GLI3: variants seen among roughly 807,000 people sequenced by gnomAD.
GLI3 encodes the protein GLI family zinc finger 3, also known as transcription activator GLI3.
GLI3 carries 20 observed loss-of-function variants against 100.8 expected under a neutral mutation model. The ratio of observed to expected loss-of-function variants is 0.20; its 90% CI spans 0.14 to 0.29. The LOEUF (loss-of-function observed/expected upper bound fraction) is 0.29, where lower values mean the gene tolerates loss of function less well. GLI3 is among the 10% of genes least tolerant of loss of function. The probability of loss-of-function intolerance (pLI) is 1.00; values close to 1 mark genes in which losing one functional copy is unlikely to be tolerated. For missense variants in GLI3, 2,040 were observed against 2,128.5 expected (o/e 0.96, Z 0.82); for synonymous variants, 938 against 860.5 (o/e 1.09, Z -1.58).
At chr7:42,213,551 G>A (rs1017994817) in intron 2 of GLI3, among the ~76,000 whole-genome samples, 1 of 152,154 alleles carries the variant, frequency 6.6e-6, no homozygotes, top group South Asian at 2.1e-4. Flanking sequence ...TGTTATGAAA[G>A]ATGATCCTAG....
chr7:42,150,617 CA>C (rs1216877948), intron 2 of GLI3, among the ~76,000 whole-genome samples: 3 of 152,178 alleles, frequency 2.0e-5, no homozygotes, highest in African/African-American at 7.2e-5. Flanking sequence ...AACCCTTCCT[CA>C]GGGGGGCTCT....
intron 2 of GLI3, among the ~76,000 whole-genome samples, chr7:42,182,653 T>C (rs1165218034): frequency 8.9e-5 from 5 of 56,350 alleles, no homozygotes; most frequent in Admixed American, 1.8e-4. Context: ...TGTATATATA[T>C]ATATATATAT....
intron 3 of GLI3, among the ~76,000 whole-genome samples, chr7:42,093,187 C>T (rs1415215136): frequency 2.0e-5 from 3 of 151,928 alleles, no homozygotes; most frequent in Non-Finnish European, 2.9e-5. Flanking sequence ...CGAGACCAGC[C>T]TGTCCAACAT....
intron 3 of GLI3, among the ~76,000 whole-genome samples, chr7:42,079,524 A>AT (rs2128752686): frequency 6.6e-6 from 1 of 152,336 alleles, no homozygotes; most frequent in African/African-American, 2.4e-5. Context: ...GCAAACACGC[A>AT]TGCCCCCTGC....
intron 7 of GLI3, among the ~76,000 whole-genome samples, chr7:42,039,691 G>C (rs1784090576): frequency 6.6e-6 from 1 of 152,112 alleles, no homozygotes; most frequent in African/African-American, 2.4e-5. Flanking sequence ...CATACAACCA[G>C]GTATGAAGTC....
chr7:41,962,845 G>GC lies in GLI3; in HGVS notation c.*1484dup, dbSNP rs1787044733. ...CCAGGGGTCAATGGGACAGAATACA[G>GC]CAGGTAGCCTGAGGTGTTAATATTT... On this transcript the variant is annotated 3_prime_UTR_variant, in exon 15 of 15. Transcript: ENST00000395925. 6.6e-6 allele frequency: 1 copy of GC among 152,164 alleles called. No homozygotes were observed. Among genetic ancestry groups the GC allele is most frequent in the Non-Finnish European group, 1.5e-5 (1 of 68,030 alleles). The allele number at this position is 152,164 out of a possible 1,614,324, so 9.4% of individuals were successfully genotyped here. A position where few individuals can be genotyped will look rare whatever the true frequency, so the allele number is the denominator to read the frequency against.
At chr7:42,009,993 T>C (rs925275282) in intron 10 of GLI3, among the ~76,000 whole-genome samples, 1 of 152,256 alleles carries the variant, frequency 6.6e-6, no homozygotes, top group Non-Finnish European at 1.5e-5. Context: ...TTCAATCTTT[T>C]GTATGTATCT....
chr7:42,014,597 C>A (rs1379990837), intron 10 of GLI3, among the ~76,000 whole-genome samples: 4 of 152,140 alleles, frequency 2.6e-5, no homozygotes, highest in Non-Finnish European at 2.9e-5. Flanking sequence ...TATTCCATAC[C>A]ATGCTCATAT....
At chr7:42,151,795 C>G (rs1480095610) in intron 2 of GLI3, 1 of 152,172 alleles carries the variant, frequency 6.6e-6, no homozygotes, top group Admixed American at 6.5e-5. Flanking sequence ...TCCCTGCCCC[C>G]AGAGAGCTGC....
chr7:42,121,517 A>G (rs1173977215), intron 3 of GLI3, among the ~76,000 whole-genome samples: 2 of 152,216 alleles, frequency 1.3e-5, no homozygotes, highest in African/African-American at 4.8e-5. Context: ...ACAATTGTTA[A>G]TTGCAACCTG....
rs764685241 is a variant in GLI3, at chr7:41,965,281, G to A, written c.3792C>T (p.Ala1264=). 1 of 1,613,684 alleles carries A rather than the reference G, an allele frequency of 6.2e-7. No individual in the cohort carries two copies. Among genetic ancestry groups the A allele is most frequent in the African/African-American group, 1.3e-5 (1 of 75,048 alleles). The change falls in exon 15 of 15, where the codon GCC becomes GCT. Residue 1264 remains alanine, a synonymous_variant. Transcript: ENST00000395925. ...YGNCLNRQPV[A]PGALDGACGA... Reference sequence around the variant, plus strand: ...CACAGGCACCGTCGAGTGCACCAGGGGCCACTGGCTGCCTGTTGAGACAGT... The same window carrying A: ...CACAGGCACCGTCGAGTGCACCAGGAGCCACTGGCTGCCTGTTGAGACAGT...
intron 2 of GLI3, among the ~76,000 whole-genome samples, chr7:42,165,397 T>A (rs1341270896): frequency 6.6e-6 from 1 of 152,148 alleles, no homozygotes; most frequent in Non-Finnish European, 1.5e-5. Flanking sequence ...TGCAAAAACA[T>A]CAGGGTTTTC....
At chr7:42,006,131 C>G (rs867260058) in intron 10 of GLI3, among the ~76,000 whole-genome samples, 1 of 152,124 alleles carries the variant, frequency 6.6e-6, no homozygotes, top group South Asian at 2.1e-4. Context: ...TATGGATCCC[C>G]CTGTACTTAA....
rs183688255 is a variant in GLI3 at position 42,137,877 on chromosome 7, C to T, written c.367+10349G>A. Among the ~76,000 whole-genome samples, 107 of 152,300 alleles carry T rather than the reference C, an allele frequency of 7.0e-4. 1 individual carries two copies. The highest frequency in any genetic ancestry group is 2.5e-3 in the African/African-American group (103 of 41,570). On this transcript the variant is annotated intron_variant, in intron 3 of 14. Coordinates refer to ENST00000395925, the MANE Select transcript of GLI3 (RefSeq NM_000168.6). ...CTGTGTGGAAAAGGTATATATAAAACATAAATGAATTGTTTGTGTAGACTT... is the reference window on the plus strand; with the variant it reads ...CTGTGTGGAAAAGGTATATATAAAATATAAATGAATTGTTTGTGTAGACTT...
intron 11 of GLI3, 87 bp from the exon 12 acceptor site, chr7:41,977,809 G>T: frequency 8.3e-7 from 1 of 1,210,050 alleles, no homozygotes; most frequent in South Asian, 1.2e-5. Flanking sequence ...ATGAAAAACT[G>T]ATGTTTCAAG....
In GLI3 at chr7:42,165,547, A is replaced by G. The variant is rs146120553; in HGVS notation, c.125-17079T>C. ...TTAGTTTAATTTCACTGATTGGGTCATGAAGACACAACTGTACCATACAAT... is the reference window on the plus strand; with the variant it reads ...TTAGTTTAATTTCACTGATTGGGTCGTGAAGACACAACTGTACCATACAAT... On this transcript the variant is annotated intron_variant, in intron 2 of 14. Coordinates refer to ENST00000395925, the MANE Select transcript of GLI3 (RefSeq NM_000168.6). Among the ~76,000 whole-genome samples the G allele has an allele frequency of 2.5e-3, 376 of 152,348 alleles. 2 individuals carry two copies. Among genetic ancestry groups the G allele is most frequent in the African/African-American group, 8.4e-3 (348 of 41,586 alleles).
At chr7:42,150,619 G>A (rs896871244) in intron 2 of GLI3, among the ~76,000 whole-genome samples, 1 of 152,120 alleles carries the variant, frequency 6.6e-6, no homozygotes. Flanking sequence ...CCCTTCCTCA[G>A]GGGGGCTCTG....
At chr7:42,106,105 T>G (rs1785568123) in intron 3 of GLI3, among the ~76,000 whole-genome samples, 1 of 151,726 alleles carries the variant, frequency 6.6e-6, no homozygotes, top group Non-Finnish European at 1.5e-5. Flanking sequence ...GGAAGAAGCA[T>G]GTGTTTTCTG....
intron 2 of GLI3, among the ~76,000 whole-genome samples, chr7:42,190,306 A>C (rs1166554448): frequency 6.6e-6 from 1 of 152,202 alleles, no homozygotes; most frequent in African/African-American, 2.4e-5. Context: ...GAACACAACA[A>C]ACTAAAACAC....
Sources: gnomAD v4.1 joint callset for allele counts (sites outside exome capture counted in the v4.1 genomes callset) on GRCh38, gnomAD v4.1.1 for gene constraint, MANE v1.5 for transcripts, NCBI Gene and HGNC (gene_info 2026-07-23, HGNC 2026-07-21) for gene names.